Variants in ATRNL1 observed in about 807,000 individuals in gnomAD.
ATRNL1 encodes attractin-like protein 1.
Under a neutral mutation model 182.7 loss-of-function variants are expected in ATRNL1, and 95 were observed. That is an observed-to-expected ratio of 0.52 (90% CI 0.44 to 0.62). ATRNL1 has a LOEUF of 0.62. Ranked by LOEUF, ATRNL1 falls within the 20% of genes least tolerant of loss-of-function variation. The probability of loss-of-function intolerance (pLI) is 0.00; values close to 1 mark genes in which losing one functional copy is unlikely to be tolerated. For missense variants in ATRNL1, 1,471 were observed against 1,679.5 expected, an observed-to-expected ratio of 0.88 and a Z score of 2.17; for synonymous variants, 576 against 568.3, an observed-to-expected ratio of 1.01 and a Z score of -0.19.
intron 27 of ATRNL1, among the ~76,000 whole-genome samples, chr10:115,730,362 A>G (rs569902823): frequency 5.0e-4 from 76 of 151,992 alleles, no homozygotes; most frequent in Non-Finnish European, 9.3e-4. Flanking sequence ...ACATGTACAA[A>G]ACAGTTTAAT....
chr10:115,423,082 CAG>C (rs1188267892), intron 20 of ATRNL1, among the ~76,000 whole-genome samples: 1 of 151,948 alleles, frequency 6.6e-6, no homozygotes, highest in Non-Finnish European at 1.5e-5. Flanking sequence ...TAAAATAAAA[CAG>C]TGTAATTGGA....
intron 26 of ATRNL1, among the ~76,000 whole-genome samples, chr10:115,724,539 T>TA (rs1947535041): frequency 6.6e-6 from 1 of 152,152 alleles, no homozygotes. Context: ...CCTTATGACT[T>TA]AAAGATACTA....
intron 28 of ATRNL1, among the ~76,000 whole-genome samples, chr10:115,924,131 G>A (rs1555119356): frequency 1.3e-5 from 2 of 152,052 alleles, no homozygotes; most frequent in African/African-American, 4.8e-5. Context: ...TAAGTTCCTT[G>A]TAAAATCTGG....
chr10:115,725,590 A>C (rs184929292), intron 26 of ATRNL1, among the ~76,000 whole-genome samples: 2 of 152,188 alleles, frequency 1.3e-5, no homozygotes, highest in Admixed American at 1.3e-4. Context: ...ATTGTGTTCA[A>C]ACACAAAGTG....
intron 8 of ATRNL1, among the ~76,000 whole-genome samples, chr10:115,191,884 T>C (rs561513608): frequency 6.6e-6 from 1 of 152,252 alleles, no homozygotes; most frequent in Non-Finnish European, 1.5e-5. Flanking sequence ...AACGGGCTAA[T>C]AACATATGTT....
At chr10:115,542,811 A>G (rs1554992416) in intron 25 of ATRNL1, among the ~76,000 whole-genome samples, 1 of 152,130 alleles carries the variant, frequency 6.6e-6, no homozygotes, top group East Asian at 1.9e-4. Flanking sequence ...GTTTCTGGTA[A>G]AACCTCTCTT....
chr10:115,200,307 A>T (rs1554892038), intron 8 of ATRNL1, among the ~76,000 whole-genome samples: 1 of 147,662 alleles, frequency 6.8e-6, no homozygotes, highest in Non-Finnish European at 1.5e-5. Flanking sequence ...TACATGTGCC[A>T]TGCTGGTGTG....
At chr10:115,767,514 T>A (rs1347664179) in intron 27 of ATRNL1, among the ~76,000 whole-genome samples, 1 of 152,074 alleles carries the variant, frequency 6.6e-6, no homozygotes, top group African/African-American at 2.4e-5. Flanking sequence ...CCCTGTTGAG[T>A]GCCACATCAA....
chr10:115,127,738 A>T lies in ATRNL1; in HGVS notation c.620+17A>T. On this transcript the variant is annotated intron_variant, in intron 4 of 28. Coordinates refer to ENST00000355044, the MANE Select transcript of ATRNL1 (RefSeq NM_207303.4). ...TTTCTATTCGTAAGTATTTTTTAAA[A>T]ATTCCTTCTTTTAATGATTCTTGTA... 1.5e-6 allele frequency: 2 copies of T among 1,374,388 alleles called. No individual in the cohort carries two copies. Among genetic ancestry groups the T allele is most frequent in the Non-Finnish European group, 1.9e-6 (2 of 1,048,484 alleles). 85.1% of individuals were successfully genotyped at this position (1,374,388 alleles called of 1,614,324 possible). A position where few individuals can be genotyped will look rare whatever the true frequency, so the allele number is the denominator to read the frequency against.
intron 3 of ATRNL1, among the ~76,000 whole-genome samples, chr10:115,124,591 C>T (rs575775134): frequency 1.3e-4 from 20 of 152,290 alleles, no homozygotes; most frequent in Admixed American, 9.2e-4. Flanking sequence ...CCTCCCATCC[C>T]CTTCTCTCTC....
At chr10:115,573,249 C>T (rs1281517187) in intron 26 of ATRNL1, among the ~76,000 whole-genome samples, 4 of 152,046 alleles carry the variant, frequency 2.6e-5, no homozygotes, top group Admixed American at 6.6e-5. Context: ...AGGTGATCTT[C>T]GTCTGGAGTT....
chr10:115,628,391 A>G (rs540856880), intron 26 of ATRNL1, among the ~76,000 whole-genome samples: 87 of 152,214 alleles, frequency 5.7e-4, no homozygotes, highest in African/African-American at 2.1e-3. Context: ...AGAAACGTCT[A>G]TTCAAGTTCT....
In ATRNL1 at chr10:115,161,900, T is replaced by A. The variant is rs539190462; in HGVS notation, c.1004+1686T>A. On this transcript the variant is annotated intron_variant, in intron 6 of 28. Coordinates refer to ENST00000355044, the MANE Select transcript of ATRNL1 (RefSeq NM_207303.4). The stretch of plus-strand genomic sequence containing the variant: ...GATTTAATCATCTTCTATAGTGGAA[T>A]TTAATTGGGGTGGAAATGTTACATT... Among the ~76,000 whole-genome samples the A allele has an allele frequency of 2.0e-5, 3 of 152,182 alleles. No homozygotes were observed. The South Asian group carries it at 6.2e-4, about 32-fold the overall frequency.
At chr10:115,131,798 C>T (rs1554875253) in intron 5 of ATRNL1, among the ~76,000 whole-genome samples, 1 of 152,132 alleles carries the variant, frequency 6.6e-6, no homozygotes, top group Non-Finnish European at 1.5e-5. Flanking sequence ...TGTTGCTTGA[C>T]TACTTATTCT....
intron 5 of ATRNL1, among the ~76,000 whole-genome samples, chr10:115,132,230 G>T (rs376655904): frequency 6.6e-6 from 1 of 152,022 alleles, no homozygotes; most frequent in Non-Finnish European, 1.5e-5. Flanking sequence ...GGTTTCCAGC[G>T]TCATCCATGT....
chr10:115,589,595 T>G (rs1344017770), intron 26 of ATRNL1, among the ~76,000 whole-genome samples: 1 of 152,160 alleles, frequency 6.6e-6, no homozygotes, highest in Non-Finnish European at 1.5e-5. Flanking sequence ...CCTCTCCCCC[T>G]TATTATTTGA....
At chr10:115,186,707 G>A (rs989721946) in intron 8 of ATRNL1, among the ~76,000 whole-genome samples, 7 of 152,048 alleles carry the variant, frequency 4.6e-5, no homozygotes, top group African/African-American at 1.7e-4. Flanking sequence ...GGTCGTTGGT[G>A]GGGATGTGAG....
chr10:115,696,870 C>CGAGAGAGAGAGA (rs138252590), intron 26 of ATRNL1, among the ~76,000 whole-genome samples: 81 of 134,040 alleles, frequency 6.0e-4, no homozygotes, highest in African/African-American at 2.1e-3. Flanking sequence ...CATATCAGAG[C>CGAGAGAGAGAGA]GAGAGAGAGA....
chr10:115,728,496 CTT>C (rs1947686624), intron 27 of ATRNL1, among the ~76,000 whole-genome samples: 2 of 151,682 alleles, frequency 1.3e-5, no homozygotes, highest in African/African-American at 4.8e-5. Context: ...TTAAAAATGT[CTT>C]TATTTGACTA....
Sources: allele counts gnomAD v4.1 joint callset (sites outside exome capture counted in the v4.1 genomes callset), GRCh38; gene constraint gnomAD v4.1.1; transcripts MANE v1.5; gene names NCBI Gene and HGNC (gene_info 2026-07-23, HGNC 2026-07-21).